Variants in DDX54 observed in about 807,000 individuals in gnomAD.
DDX54 encodes the protein DEAD-box helicase 54.
DDX54 carries 67 observed loss-of-function variants against 105.5 expected under a neutral mutation model. The observed-to-expected ratio is 0.64, with a 90% CI of 0.52 to 0.78. The LOEUF (loss-of-function observed/expected upper bound fraction) is 0.78, where lower values mean the gene tolerates loss of function less well. Among genes scored for constraint, DDX54 ranks in the 30% least tolerant of loss-of-function variants. The probability of loss-of-function intolerance (pLI) is 0.00; values close to 1 mark genes in which losing one functional copy is unlikely to be tolerated. For missense variants in DDX54, 1,206 were observed against 1,230.5 expected (o/e 0.98, Z 0.30); for synonymous variants, 514 against 509.9 (o/e 1.01, Z -0.11).
intron 18 of DDX54, 102 bp downstream of exon 18, chr12:113,161,791 T>TCCCCCCC: frequency 1.2e-5 from 1 of 81,852 alleles, no homozygotes; most frequent in Non-Finnish European, 2.4e-5. Flanking sequence ...CCCCGCCCCC[T>TCCCCCCC]CCTCCCCGCC....
intron 12 of DDX54, among the ~76,000 whole-genome samples, 183 bp downstream of exon 12, chr12:113,169,587 C>T (rs1368645107): frequency 6.6e-6 from 1 of 152,222 alleles, no homozygotes; most frequent in East Asian, 1.9e-4. Context: ...CACCACTGCA[C>T]CCCAGCCTGG....
intron 12 of DDX54, 141 bp from the exon 13 acceptor site, chr12:113,166,173 A>G (rs921052905): frequency 1.2e-6 from 1 of 832,526 alleles, no homozygotes. Context: ...GAACACCAGC[A>G]CTCAGGGAGG....
At chr12:113,177,176 C>T (rs929831325) in intron 5 of DDX54, 83 bp from the exon 6 acceptor site, 1 of 1,510,612 alleles carries the variant, frequency 6.6e-7, no homozygotes, top group Non-Finnish European at 9.1e-7. Context: ...GGCAAGGCTG[C>T]ACACCCCATC....
intron 12 of DDX54, among the ~76,000 whole-genome samples, chr12:113,166,629 G>C (rs1375579778): frequency 6.6e-6 from 1 of 152,080 alleles, no homozygotes; most frequent in Admixed American, 6.5e-5. Flanking sequence ...TTGAGCCTGG[G>C]AGCTCACGGC....
rs1034363109 is a variant in DDX54 at position 113,157,522 on chromosome 12, G to A, written c.*1355C>T. ...ATCTCCAGTCCCCGCCCTACCTTTCGGCCTCCCCCGCGTGTTGAGGGGTGG... is the reference window on the plus strand; with the variant it reads ...ATCTCCAGTCCCCGCCCTACCTTTCAGCCTCCCCCGCGTGTTGAGGGGTGG... On this transcript the variant is annotated 3_prime_UTR_variant, in exon 20 of 20. Coordinates refer to ENST00000306014, the MANE Select transcript of DDX54 (RefSeq NM_024072.4). 3.4e-4 allele frequency: 399 copies of A among 1,172,170 alleles called. No individual in the cohort carries two copies. The highest frequency in any genetic ancestry group is 1.6e-3 in the Middle Eastern group (8 of 5,136). The allele number at this position is 1,172,170 out of a possible 1,614,324, so 72.6% of individuals were successfully genotyped here.
At position 113,157,545 on chromosome 12, in the gene DDX54, T is replaced by G; in HGVS notation, c.*1332A>C. On this transcript the variant is annotated 3_prime_UTR_variant, in exon 20 of 20. Coordinates refer to ENST00000306014, the MANE Select transcript of DDX54 (RefSeq NM_024072.4). ...TCGGCCTCCCCCGCGTGTTGAGGGG[T>G]GGGGGCTGGACAGTGACTCTGGGGC... The G allele has an allele frequency of 1.4e-6, 2 of 1,445,684 alleles. No individual in the cohort carries two copies. The highest frequency in any genetic ancestry group is 1.2e-5 in the South Asian group (1 of 81,936). 89.6% of individuals were successfully genotyped at this position (1,445,684 alleles called of 1,614,324 possible).
rs1952142219 is a variant in DDX54 at position 113,157,463 on chromosome 12, G to C, written c.*1414C>G. ...TTAGGATCTCAGTCACCACCTCTGGGAACCACCATCATCACTGTTCTTTTA... is the reference window on the plus strand; with the variant it reads ...TTAGGATCTCAGTCACCACCTCTGGCAACCACCATCATCACTGTTCTTTTA... On this transcript the variant is annotated 3_prime_UTR_variant, in exon 20 of 20. Coordinates refer to ENST00000306014, the MANE Select transcript of DDX54 (RefSeq NM_024072.4). 1.4e-6 allele frequency: 1 copy of C among 701,578 alleles called. No individual in the cohort carries two copies. The highest frequency in any genetic ancestry group is 2.4e-6 in the Non-Finnish European group (1 of 411,600). 43.5% of individuals were successfully genotyped at this position (701,578 alleles called of 1,614,324 possible).
chr12:113,180,387 G>A (rs973597925), intron 2 of DDX54, among the ~76,000 whole-genome samples: 2 of 152,096 alleles, frequency 1.3e-5, no homozygotes, highest in Admixed American at 6.5e-5. Context: ...GTGTGGGGAG[G>A]GACTCTTGTC....
At chr12:113,160,753 G>C (rs1052300181) in intron 19 of DDX54, among the ~76,000 whole-genome samples, 3 of 152,156 alleles carry the variant, frequency 2.0e-5, no homozygotes, top group Non-Finnish European at 4.4e-5. Context: ...TTGGTGACAT[G>C]AACTTCCCCA....
At chr12:113,174,976 G>A in intron 8 of DDX54, 40 bp from the exon 9 acceptor site, 1 of 1,611,448 alleles carries the variant, frequency 6.2e-7, no homozygotes, top group Non-Finnish European at 8.5e-7. Context: ...GTCGCAGAGG[G>A]ACTGGCCCCC....
chr12:113,162,614 TG>T, intron 17 of DDX54: 1 of 252,444 alleles, frequency 4.0e-6, no homozygotes, highest in Non-Finnish European at 7.4e-6. Context: ...CCTGGAGGGG[TG>T]GCTCACTCGC....
chr12:113,173,530 C>A (rs950924797), intron 10 of DDX54, among the ~76,000 whole-genome samples: 1 of 152,162 alleles, frequency 6.6e-6, no homozygotes, highest in African/African-American at 2.4e-5. Flanking sequence ...CGGAAAGGGG[C>A]CCCACTGCCT....
intron 7 of DDX54, among the ~76,000 whole-genome samples, chr12:113,175,726 T>G (rs1952394688): frequency 6.6e-6 from 1 of 152,012 alleles, no homozygotes; most frequent in African/African-American, 2.4e-5. Flanking sequence ...GAGGCGGAGC[T>G]TGCAGTGAGC....
In DDX54 at chr12:113,159,103, G is replaced by A. The variant is rs750446829; in HGVS notation, c.2420C>T (p.Ser807Phe). 2 of 1,595,918 alleles carry A rather than the reference G, an allele frequency of 1.3e-6. No individual in the cohort carries two copies. Among genetic ancestry groups the A allele is most frequent in the Non-Finnish European group, 1.7e-6 (2 of 1,172,286 alleles). Reference protein sequence around the residue: ...GGKRDRGQGASRPHAPGTPAG... With the variant: ...GGKRDRGQGAFRPHAPGTPAG... ...AGGGGTGCCTGGGGCGTGGGGCCGG[G>A]ATGCACCTGCTGGGACAGGGATTCA... Residue 807 changes from serine (S) to phenylalanine (F), a missense_variant, in exon 20 of 20, where the codon TCC becomes TTC. Ser to Phe is a radical substitution (Grantham distance 155). Coordinates refer to ENST00000306014, the MANE Select transcript of DDX54 (RefSeq NM_024072.4).
rs367983164 is a variant in DDX54 at position 113,158,890 on chromosome 12, C to T, written c.2633G>A (p.Arg878Gln). 18 of 1,602,442 alleles carry T rather than the reference C, an allele frequency of 1.1e-5. No individual in the cohort carries two copies. The highest frequency in any genetic ancestry group is 6.7e-5 in the African/African-American group (5 of 74,732). ...GGGTCCTGGTCCTCACATCCTCTTC[C>T]GCATCTTGCCCTTCTTGGAGCGGGC... Reference protein sequence around the residue: ...RGARSKKGKMRKRM With the variant: ...RGARSKKGKMQKRM Residue 878 changes from arginine (R) to glutamine (Q), a missense_variant, in exon 20 of 20, where the codon CGG (arginine) becomes CAG (glutamine). Physicochemically the swap from Arg to Gln is conservative, Grantham distance 43. Around this residue, in one of 3 missense-constraint regions of DDX54, gnomAD observed 961 missense variants for 1,019.1 expected, o/e 0.94. Transcript: ENST00000306014. The surrounding 1 kb of genome is among the most constrained non-coding windows in gnomAD (Gnocchi z 4.9).
At chr12:113,179,890 G>T (rs750341214) in intron 3 of DDX54, 45 bp downstream of exon 3, 1 of 1,608,774 alleles carries the variant, frequency 6.2e-7, no homozygotes, top group African/African-American at 1.3e-5. Context: ...GGAGGGCCAT[G>T]TCACTCCTCC....
At chr12:113,169,381 G>A (rs1417099522) in intron 12 of DDX54, among the ~76,000 whole-genome samples, 2 of 152,052 alleles carry the variant, frequency 1.3e-5, no homozygotes, top group African/African-American at 4.8e-5. Context: ...CCAGCACTTT[G>A]GGAGGTGGGC....
rs181760887 is a variant in DDX54, at chr12:113,174,732, C to T, written c.976G>A (p.Val326Met). 6.2e-5 allele frequency: 100 copies of T among 1,609,738 alleles called. No individual in the cohort carries two copies. Among genetic ancestry groups the T allele is most frequent in the African/African-American group, 9.3e-5 (7 of 74,994 alleles). ...FLVREDTKAA[V>M]LLHLLHNVVR... ...ACGTTGTGCAGCAGGTGGAGCAGCA[C>T]GGCAGCCTTGGTGTCCTCCCGCACG... The change falls in exon 10 of 20, where the codon GTG (valine) becomes ATG (methionine). Residue 326 changes from valine to methionine, a missense_variant. Val to Met is a conservative substitution (Grantham distance 21). Transcript: ENST00000306014.
In DDX54 at chr12:113,162,949, G is replaced by C. The variant is rs762722877; in HGVS notation, c.2178C>G (p.Gly726=). Residue 726 remains glycine, a synonymous_variant, in exon 17 of 20, where the codon GGC becomes GGG. Transcript: ENST00000306014. ...MGDEAQNLTR[G]RQQLKWDRKK... ...TCACTCACCACTTGAGCTGCTGCCG[G>C]CCCCTCGTCAGGTTCTGGGCTTCAT... 8 of 1,602,578 alleles carry C rather than the reference G, an allele frequency of 5.0e-6. No homozygotes were observed. Among genetic ancestry groups the C allele is most frequent in the African/African-American group, 1.3e-5 (1 of 74,952 alleles).
Sources: allele counts gnomAD v4.1 joint callset (sites outside exome capture counted in the v4.1 genomes callset), GRCh38; gene constraint gnomAD v4.1.1; regional missense constraint gnomAD v4.1.1; non-coding constraint Gnocchi (gnomAD v3.1); transcripts MANE v1.5; gene names NCBI Gene and HGNC (gene_info 2026-07-23, HGNC 2026-07-21).